The following SORCS2 variants were observed in gnomAD, a reference collection of about 807,000 sequenced individuals.
The protein encoded by SORCS2 is sortilin related VPS10 domain containing receptor 2.
SORCS2 carries 100 observed loss-of-function variants against 141.6 expected under a neutral mutation model. The ratio of observed to expected loss-of-function variants is 0.71; its 90% confidence interval spans 0.60 to 0.83. The LOEUF (loss-of-function observed/expected upper bound fraction) is 0.83, where lower values mean the gene tolerates loss of function less well. SORCS2 is among the 40% of genes least tolerant of loss of function. SORCS2 has a pLI of 0.00. For missense variants in SORCS2, 1,646 were observed against 1,560.2 expected (o/e 1.05, Z -0.93); for synonymous variants, 789 against 676.9 (o/e 1.17, Z -2.57).
At chr4:7,310,093 AG>A (rs1381634506) in intron 1 of SORCS2, among the ~76,000 whole-genome samples, 1 of 152,240 alleles carries the variant, frequency 6.6e-6, no homozygotes, top group Non-Finnish European at 1.5e-5. Context: ...AAGAGCTCCC[AG>A]GAACAGGAGC....
At chr4:7,739,789 C>T (rs1253275150) in intron 26 of SORCS2, among the ~76,000 whole-genome samples, 1 of 152,182 alleles carries the variant, frequency 6.6e-6, no homozygotes, top group African/African-American at 2.4e-5. Flanking sequence ...ACTGACATCC[C>T]TATGCCCCCC....
chr4:7,290,191 G>C (rs1374118512), intron 1 of SORCS2, among the ~76,000 whole-genome samples: 1 of 152,158 alleles, frequency 6.6e-6, no homozygotes. Context: ...TTATGTATTT[G>C]TCAGGACAAC....
intron 1 of SORCS2, among the ~76,000 whole-genome samples, chr4:7,204,198 T>G (rs913591686): frequency 1.3e-5 from 2 of 152,108 alleles, no homozygotes; most frequent in Non-Finnish European, 2.9e-5. Flanking sequence ...GATTGCTAGA[T>G]CTTATGGTAA....
chr4:7,569,795 T>C (rs972174404), intron 3 of SORCS2, among the ~76,000 whole-genome samples: 1 of 152,182 alleles, frequency 6.6e-6, no homozygotes, highest in South Asian at 2.1e-4. Context: ...TGCAGTGAGG[T>C]GCAGTGTGAA....
intron 3 of SORCS2, among the ~76,000 whole-genome samples, chr4:7,611,961 C>T (rs1358511346): frequency 2.6e-5 from 4 of 152,234 alleles, no homozygotes; most frequent in Admixed American, 6.5e-5. Context: ...GAGGAAGGAT[C>T]GGCCCCATGC....
At chr4:7,207,402 A>G (rs1727806599) in intron 1 of SORCS2, among the ~76,000 whole-genome samples, 1 of 152,108 alleles carries the variant, frequency 6.6e-6, no homozygotes, top group East Asian at 1.9e-4. Context: ...GCGTTCACCC[A>G]GCGCCTGGCC....
intron 22 of SORCS2, 61 bp downstream of exon 22, chr4:7,728,523 C>A: frequency 7.7e-7 from 1 of 1,291,718 alleles, no homozygotes; most frequent in Non-Finnish European, 1.1e-6. Context: ...CCAGAGAAGC[C>A]CAAGGGCCCC....
At chr4:7,571,855 G>C (rs151146826) in intron 3 of SORCS2, among the ~76,000 whole-genome samples, 2 of 152,198 alleles carry the variant, frequency 1.3e-5, no homozygotes, top group African/African-American at 2.4e-5. Context: ...AGTCCAGCTC[G>C]TTAGCTTCCT....
At chr4:7,471,462 G>C (rs1256853382) in intron 2 of SORCS2, among the ~76,000 whole-genome samples, 2 of 152,222 alleles carry the variant, frequency 1.3e-5, no homozygotes, top group Non-Finnish European at 2.9e-5. Context: ...GCTCTAAATG[G>C]CAATTTTAAA....
At chr4:7,430,517 GGCCTCC>G (rs1726767489) in intron 2 of SORCS2, 2 of 152,266 alleles carry the variant, frequency 1.3e-5, no homozygotes, top group South Asian at 4.1e-4. Flanking sequence ...GGACGTCCCA[GGCCTCC>G]GCCTTACGAT....
At chr4:7,535,270 C>G (rs1031521953) in intron 3 of SORCS2, among the ~76,000 whole-genome samples, 1 of 152,242 alleles carries the variant, frequency 6.6e-6, no homozygotes, top group Non-Finnish European at 1.5e-5. Flanking sequence ...TTGTTGCTTC[C>G]AAAGCCCCTG....
chr4:7,554,637 C>T (rs1457774819), intron 3 of SORCS2, among the ~76,000 whole-genome samples: 2 of 152,166 alleles, frequency 1.3e-5, no homozygotes. Context: ...AGATGACTTC[C>T]TTGTGCTCAG....
chr4:7,644,998 G>C (rs146100245), intron 4 of SORCS2, among the ~76,000 whole-genome samples: 3 of 152,348 alleles, frequency 2.0e-5, no homozygotes, highest in East Asian at 1.9e-4. Flanking sequence ...CCTCCCAGGA[G>C]AGTGAGTTGG....
intron 3 of SORCS2, among the ~76,000 whole-genome samples, chr4:7,543,152 A>G (rs4365723): frequency 0.15 from 23,354 of 152,250 alleles, 1,843 homozygotes; most frequent in African/African-American, 0.19. Context: ...AGGCTTCCAC[A>G]TGGTGGGTGA....
rs1269034268 is a variant in SORCS2, at chr4:7,336,543, G to A, written c.481-59745G>A. The stretch of plus-strand genomic sequence containing the variant: ...TGAGCCGTGCCCAGAACAGATGGAT[G>A]AAGGACTCTTGTCTCCAAAGATGGG... On this transcript the variant is annotated intron_variant, in intron 1 of 26. Transcript: ENST00000507866. 1.5e-4 allele frequency among the ~76,000 whole-genome samples: 13 copies of A among 87,188 alleles called. 2 individuals carry two copies. The highest frequency in any genetic ancestry group is 2.1e-4 in the Non-Finnish European group (9 of 42,230). The allele number at this position is 87,188 out of a possible 152,430, so 57.2% of individuals were successfully genotyped here. A position where few individuals can be genotyped will look rare whatever the true frequency, so the allele number is the denominator to read the frequency against.
intron 3 of SORCS2, among the ~76,000 whole-genome samples, chr4:7,543,703 TCCATCCACCCATCCACCCATCCAC>T (rs1157943501): frequency 1.1e-4 from 2 of 18,858 alleles, no homozygotes; most frequent in African/African-American, 1.9e-4. Flanking sequence ...CACCCATCCA[TCCATCCACCCATCCACCCATCCAC>T]CCATCCACCC....
intron 3 of SORCS2, among the ~76,000 whole-genome samples, chr4:7,628,292 G>A (rs1345197145): frequency 6.6e-6 from 1 of 152,194 alleles, no homozygotes; most frequent in Non-Finnish European, 1.5e-5. Context: ...GGAGGCCGAG[G>A]CGGGCGGATC....
chr4:7,443,445 C>G (rs144706283), intron 2 of SORCS2, among the ~76,000 whole-genome samples: 1 of 152,170 alleles, frequency 6.6e-6, no homozygotes, highest in Admixed American at 6.5e-5. Flanking sequence ...AGCCTCAACC[C>G]CCTGAGATCA....
chr4:7,731,813 G>A (rs1711710614), intron 23 of SORCS2, among the ~76,000 whole-genome samples: 1 of 152,166 alleles, frequency 6.6e-6, no homozygotes, highest in Non-Finnish European at 1.5e-5. Flanking sequence ...AGCTCAGAGT[G>A]GATTAAAGAC....
Sources: allele counts gnomAD v4.1 joint callset (sites outside exome capture counted in the v4.1 genomes callset), GRCh38; gene constraint gnomAD v4.1.1; transcripts MANE v1.5; gene names NCBI Gene and HGNC (gene_info 2026-07-23, HGNC 2026-07-21).